The following FAR2 variants were observed in gnomAD, a reference collection of about 807,000 sequenced individuals.
FAR2 encodes epididymis secretory protein Li 81.
Under a neutral mutation model 56.0 loss-of-function variants are expected in FAR2, and 19 were observed. The ratio of observed to expected loss-of-function variants is 0.34; its 90% CI spans 0.24 to 0.50. The LOEUF is 0.50. Among genes scored for constraint, FAR2 ranks in the 20% least tolerant of loss-of-function variants. The pLI, the probability that FAR2 is intolerant of heterozygous loss-of-function variation, is 0.98. For synonymous variants in FAR2, 219 were observed against 218.8 expected (o/e 1.00, Z -0.01); for missense variants, 508 against 642.2 (o/e 0.79, Z 2.26).
In FAR2 at chr12:29,260,629, G is replaced by A. The variant is rs1303212379; in HGVS notation, c.-38-9783G>A. On this transcript the variant is annotated intron_variant, in intron 1 of 11. Coordinates refer to ENST00000536681, the MANE Select transcript of FAR2 (RefSeq NM_001271783.2). Reference sequence around the variant, plus strand: ...TTGAGGACAGGGGAGTGAAGAGTAGGAAGGACTTTGTCTTGTGGCTTCAGT... The same window carrying A: ...TTGAGGACAGGGGAGTGAAGAGTAGAAAGGACTTTGTCTTGTGGCTTCAGT... 5.3e-5 allele frequency among the ~76,000 whole-genome samples: 8 copies of A among 152,120 alleles called. No individual in the cohort carries two copies. The South Asian group carries it at 1.0e-3, about 20-fold the overall frequency.
At chr12:29,182,491 T>C (rs1031723253) in intron 1 of FAR2, among the ~76,000 whole-genome samples, 1 of 152,172 alleles carries the variant, frequency 6.6e-6, no homozygotes, top group Admixed American at 6.5e-5. Flanking sequence ...TTTACAATCC[T>C]TTAGCTAGAC....
At chr12:29,237,026 G>A (rs1947953555) in intron 1 of FAR2, among the ~76,000 whole-genome samples, 1 of 152,118 alleles carries the variant, frequency 6.6e-6, no homozygotes, top group South Asian at 2.1e-4. Context: ...GCAAATTTGT[G>A]TAATCAGTTA....
At chr12:29,199,702 T>C (rs537999676) in intron 1 of FAR2, among the ~76,000 whole-genome samples, 5 of 151,926 alleles carry the variant, frequency 3.3e-5, no homozygotes, top group African/African-American at 9.7e-5. Context: ...ACATAAAAGA[T>C]GGCAGGCAGA....
chr12:29,290,333 C>G (rs1328914347), intron 2 of FAR2, among the ~76,000 whole-genome samples: 1 of 152,000 alleles, frequency 6.6e-6, no homozygotes, highest in Admixed American at 6.6e-5. Flanking sequence ...GTAATCCCAG[C>G]TACTCAGGAG....
At chr12:29,265,045 A>C (rs1948490703) in intron 1 of FAR2, among the ~76,000 whole-genome samples, 1 of 152,246 alleles carries the variant, frequency 6.6e-6, no homozygotes. Flanking sequence ...AAAAATGGAA[A>C]GATATTCCAT....
At chr12:29,315,089 TAA>T (rs1949423496) in intron 8 of FAR2, among the ~76,000 whole-genome samples, 2 of 152,002 alleles carry the variant, frequency 1.3e-5, no homozygotes. Flanking sequence ...TGCAAAAAAA[TAA>T]AACAGACTAA....
chr12:29,238,391 G>A (rs1240679612), intron 1 of FAR2, among the ~76,000 whole-genome samples: 1 of 151,876 alleles, frequency 6.6e-6, no homozygotes, highest in African/African-American at 2.4e-5. Flanking sequence ...CTGTATATAT[G>A]TATTTTATCT....
Position 29,334,457 on chromosome 12 carries a change from T to C in FAR2, c.*663T>C, listed in dbSNP as rs1273976743. ...GAGTGAGGGATTAAGCATATTTGCA[T>C]TGGGGACTCGTGTATTATGCTTTTA... On this transcript the variant is annotated 3_prime_UTR_variant, in exon 12 of 12. Transcript: ENST00000536681. 1 of 152,176 alleles carries C rather than the reference T, an allele frequency of 6.6e-6. No homozygotes were observed. The highest frequency in any genetic ancestry group is 1.5e-5 in the Non-Finnish European group (1 of 68,012). The allele number at this position is 152,176 out of a possible 1,614,324, so 9.4% of individuals were successfully genotyped here.
intron 4 of FAR2, among the ~76,000 whole-genome samples, chr12:29,300,379 G>T (rs1591946312): frequency 6.6e-6 from 1 of 152,014 alleles, no homozygotes; most frequent in Non-Finnish European, 1.5e-5. Flanking sequence ...CTATTTCAAC[G>T]ACTCCTATAC....
At chr12:29,177,839 AAAAC>A (rs1949952975) in intron 1 of FAR2, among the ~76,000 whole-genome samples, 1 of 151,372 alleles carries the variant, frequency 6.6e-6, no homozygotes, top group South Asian at 2.1e-4. Flanking sequence ...AAGCACAAAA[AAAAC>A]AAACAAAAAA....
chr12:29,315,543 G>A (rs1243699170), intron 8 of FAR2, among the ~76,000 whole-genome samples: 1 of 152,198 alleles, frequency 6.6e-6, no homozygotes. Context: ...TACAAGGGTA[G>A]TGGCAGAGAC....
chr12:29,290,816 T>G (rs567541412), intron 2 of FAR2, among the ~76,000 whole-genome samples: 1 of 152,196 alleles, frequency 6.6e-6, no homozygotes, highest in Non-Finnish European at 1.5e-5. Context: ...ATTGAACTCA[T>G]GGACATAAAG....
chr12:29,299,350 AAAG>A (rs1345754113), intron 4 of FAR2, among the ~76,000 whole-genome samples: 3 of 152,194 alleles, frequency 2.0e-5, no homozygotes, highest in East Asian at 1.9e-4. Context: ...CCTAGGTTTC[AAAG>A]AAGAATAAAC....
intron 1 of FAR2, among the ~76,000 whole-genome samples, chr12:29,234,819 T>C (rs1472789919): frequency 2.6e-5 from 4 of 152,206 alleles, no homozygotes; most frequent in Admixed American, 6.5e-5. Flanking sequence ...GAAAACCATT[T>C]CATGATTCTG....
chr12:29,194,768 C>T (rs1480461688), intron 1 of FAR2, among the ~76,000 whole-genome samples: 1 of 151,896 alleles, frequency 6.6e-6, no homozygotes, highest in Non-Finnish European at 1.5e-5. Context: ...AAGAGGAGCA[C>T]CTGAGGATTT....
chr12:29,212,625 T>A (rs935519548), intron 1 of FAR2, among the ~76,000 whole-genome samples: 2 of 152,344 alleles, frequency 1.3e-5, no homozygotes, highest in East Asian at 3.9e-4. Context: ...TTCCACCATC[T>A]CCTGAAATTG....
rs149821067 is a variant in FAR2 at position 29,322,896 on chromosome 12, G to A, written c.1257+972G>A. 3.2e-3 allele frequency among the ~76,000 whole-genome samples: 491 copies of A among 152,268 alleles called. 1 individual carries two copies. The highest frequency in any genetic ancestry group is 0.022 in the East Asian group (114 of 5,168). On this transcript the variant is annotated intron_variant, in intron 10 of 11. Coordinates refer to ENST00000536681, the MANE Select transcript of FAR2 (RefSeq NM_001271783.2). Reference sequence around the variant, plus strand: ...CCTTGCACTTCCTGGGTGAGGCGACGCCTTGCCCTGCTTCGGCTCACGCAC... The same window carrying A: ...CCTTGCACTTCCTGGGTGAGGCGACACCTTGCCCTGCTTCGGCTCACGCAC...
At chr12:29,168,014 A>G (rs1949846712) in intron 1 of FAR2, among the ~76,000 whole-genome samples, 2 of 152,226 alleles carry the variant, frequency 1.3e-5, no homozygotes, top group South Asian at 4.1e-4. Context: ...TGTCGTCAAA[A>G]TAAATGTGCA....
chr12:29,235,898 G>C (rs1049640800), intron 1 of FAR2, among the ~76,000 whole-genome samples: 5 of 152,132 alleles, frequency 3.3e-5, no homozygotes, highest in African/African-American at 1.2e-4. Flanking sequence ...ACAAAACCTA[G>C]GGGAGGAGGG....
Sources: allele counts gnomAD v4.1 joint callset (sites outside exome capture counted in the v4.1 genomes callset), GRCh38; gene constraint gnomAD v4.1.1; transcripts MANE v1.5; gene names NCBI Gene and HGNC (gene_info 2026-07-23, HGNC 2026-07-21).